Variants in DNAH9 observed in about 807,000 individuals in gnomAD.
The protein encoded by DNAH9 is dynein axonemal heavy chain 9.
In DNAH9, 345 loss-of-function variants were observed where a neutral mutation model predicts 471.6. That is an observed-to-expected ratio of 0.73 (90% CI 0.67 to 0.80). The LOEUF (loss-of-function observed/expected upper bound fraction) is 0.80, where lower values mean the gene tolerates loss of function less well. DNAH9 is among the 30% of genes least tolerant of loss of function. DNAH9 has a pLI of 0.00. For synonymous variants in DNAH9, 2,093 were observed against 2,123.6 expected (o/e 0.99, Z 0.40); for missense variants, 5,407 against 5,609.2 (o/e 0.96, Z 1.15).
intron 53 of DNAH9, 97 bp from the exon 54 acceptor site, chr17:11,879,981 C>T: frequency 7.0e-7 from 1 of 1,424,816 alleles, no homozygotes; most frequent in Non-Finnish European, 9.6e-7. Context: ...TCCAACTATA[C>T]CACCATGTCT....
Position 11,937,487 on chromosome 17 carries a change from G to A in DNAH9, c.12625G>A (p.Ala4209Thr). 6.2e-7 allele frequency: 1 copy of A among 1,613,668 alleles called. No individual in the cohort carries two copies. The highest frequency in any genetic ancestry group is 8.5e-7 in the Non-Finnish European group (1 of 1,179,680). Reference protein sequence around the residue: ...VLELQPRDSQARDGAGATREE... With the variant: ...VLELQPRDSQTRDGAGATREE... ...GGAGCTGCAGCCTCGGGACAGCCAG[G>A]CCAGAGACGGAGCGGGCGCCACAAG... The change falls in exon 66 of 69, where the codon GCC (alanine) becomes ACC (threonine). Residue 4209 changes from alanine to threonine, a missense_variant. By Grantham distance (58) the Ala-to-Thr change is moderately conservative. Transcript: ENST00000262442. This position sits in a 1 kb window ranked among gnomAD's most constrained non-coding sequence, Gnocchi z 4.1.
At chr17:11,664,272 GGA>G (rs529645630) in intron 14 of DNAH9, among the ~76,000 whole-genome samples, 8 of 150,316 alleles carry the variant, frequency 5.3e-5, no homozygotes, top group Non-Finnish European at 8.9e-5. Flanking sequence ...AGGAAGGAGG[GGA>G]GAGAGAGAGA....
chr17:11,881,754 ATATT>A, intron 55 of DNAH9, among the ~76,000 whole-genome samples: 1 of 152,112 alleles, frequency 6.6e-6, no homozygotes, highest in Non-Finnish European at 1.5e-5. Flanking sequence ...TAAAAAATAA[ATATT>A]AAAATTAACT....
rs1326747682 is a variant in DNAH9, at chr17:11,705,005, C to A, written c.5392-20C>A. The A allele has an allele frequency of 6.2e-7, 1 of 1,610,894 alleles. No individual in the cohort carries two copies. Among genetic ancestry groups the A allele is most frequent in the Admixed American group, 1.7e-5 (1 of 60,012 alleles). On this transcript the variant is annotated intron_variant, in intron 25 of 68. Coordinates refer to ENST00000262442, the MANE Select transcript of DNAH9 (RefSeq NM_001372.4). The stretch of plus-strand genomic sequence containing the variant: ...CTGCTGCCTATGATTCACCCACCTA[C>A]TCTACCACTCTCTCTTTAGGTAGAC...
At chr17:11,801,532 A>G (rs1969461521) in intron 43 of DNAH9, among the ~76,000 whole-genome samples, 2 of 152,154 alleles carry the variant, frequency 1.3e-5, no homozygotes, top group East Asian at 1.9e-4. Flanking sequence ...TCTACTAAAA[A>G]TACAAATTAG....
chr17:11,681,530 CCAAG>C (rs2074133515), intron 19 of DNAH9, among the ~76,000 whole-genome samples: 1 of 152,156 alleles, frequency 6.6e-6, no homozygotes, highest in East Asian at 1.9e-4. Context: ...AACCAGGAGG[CCAAG>C]CTGGAGCTCA....
chr17:11,608,929 G>A (rs904488343), intron 2 of DNAH9, among the ~76,000 whole-genome samples: 5 of 152,068 alleles, frequency 3.3e-5, no homozygotes, highest in African/African-American at 7.2e-5. Context: ...TGAATCCACC[G>A]TCAGCTTCTG....
chr17:11,935,230 G>T (rs1408057076), intron 65 of DNAH9, among the ~76,000 whole-genome samples: 1 of 151,986 alleles, frequency 6.6e-6, no homozygotes. Context: ...CCAAAGTGCT[G>T]GGATTACAGG....
chr17:11,849,875 T>G (rs1282701129), intron 49 of DNAH9, among the ~76,000 whole-genome samples: 1 of 152,162 alleles, frequency 6.6e-6, no homozygotes, highest in African/African-American at 2.4e-5. Context: ...TACTAAATAA[T>G]ATTTGTCCAA....
chr17:11,651,756 T>C (rs2073511027), intron 13 of DNAH9, among the ~76,000 whole-genome samples: 2 of 152,222 alleles, frequency 1.3e-5, no homozygotes, highest in Admixed American at 6.5e-5. Context: ...CGCAGGGTAC[T>C]GTGTGACAAA....
intron 28 of DNAH9, among the ~76,000 whole-genome samples, chr17:11,738,403 C>T (rs148754085): frequency 1.8e-4 from 27 of 152,252 alleles, no homozygotes; most frequent in Middle Eastern, 3.4e-3. Flanking sequence ...TGTTTTGAGA[C>T]GTAGCCTTGC....
At chr17:11,875,236 G>C in intron 53 of DNAH9, 52 bp downstream of exon 53, 3 of 1,468,884 alleles carry the variant, frequency 2.0e-6, no homozygotes, top group East Asian at 2.3e-5. Flanking sequence ...GCAGGAAAAT[G>C]TATAGATCAT....
At chr17:11,827,700 T>TC (rs1970545183) in intron 48 of DNAH9, among the ~76,000 whole-genome samples, 1 of 142,456 alleles carries the variant, frequency 7.0e-6, no homozygotes, top group African/African-American at 2.6e-5. Flanking sequence ...TTTTTTTTTT[T>TC]CTTGAGATGG....
intron 35 of DNAH9, among the ~76,000 whole-genome samples, chr17:11,761,443 T>A (rs1250329073): frequency 6.6e-6 from 1 of 152,172 alleles, no homozygotes; most frequent in Non-Finnish European, 1.5e-5. Flanking sequence ...CCTTGGCTCC[T>A]CCCCATCACT....
chr17:11,798,505 A>G (rs1336804135), intron 43 of DNAH9, among the ~76,000 whole-genome samples: 1 of 151,550 alleles, frequency 6.6e-6, no homozygotes, highest in Admixed American at 6.6e-5. Context: ...AAGTGCATAC[A>G]TATTTCAAAA....
At chr17:11,824,150 C>T (rs747476460) in intron 48 of DNAH9, among the ~76,000 whole-genome samples, 17 of 152,120 alleles carry the variant, frequency 1.1e-4, no homozygotes, top group Non-Finnish European at 2.4e-4. Flanking sequence ...TCTTCTCCAG[C>T]AGCAGAGCCA....
chr17:11,601,440 T>G (rs1445575243), intron 1 of DNAH9, among the ~76,000 whole-genome samples: 1 of 152,172 alleles, frequency 6.6e-6, no homozygotes, highest in Non-Finnish European at 1.5e-5. Flanking sequence ...GTAACTGAAG[T>G]ACAGGGGTAG....
intron 2 of DNAH9, among the ~76,000 whole-genome samples, chr17:11,610,051 A>T (rs149227342): frequency 1.6e-3 from 248 of 152,364 alleles, no homozygotes; most frequent in African/African-American, 5.5e-3. Context: ...TTGGGTGGTC[A>T]TCTGAATATT....
At chr17:11,861,685 T>G (rs2150977767) in intron 50 of DNAH9, among the ~76,000 whole-genome samples, 1 of 152,222 alleles carries the variant, frequency 6.6e-6, no homozygotes, top group Non-Finnish European at 1.5e-5. Context: ...CTCCAGCACC[T>G]GTTGTTTCCT....
Sources: gnomAD v4.1 joint callset for allele counts (sites outside exome capture counted in the v4.1 genomes callset) on GRCh38, gnomAD v4.1.1 for gene constraint, Gnocchi (gnomAD v3.1) non-coding constraint, MANE v1.5 for transcripts, NCBI Gene and HGNC (gene_info 2026-07-23, HGNC 2026-07-21) for gene names.